The following RELCH variants were observed in gnomAD, a reference collection of about 807,000 sequenced individuals.
RELCH encodes the protein RAB11 binding and LisH domain, coiled-coil and HEAT repeat containing, also known as RAB11-binding protein RELCH.
RELCH carries 41 observed loss-of-function variants against 150.3 expected under a neutral mutation model. That is an observed-to-expected ratio of 0.27 (90% CI 0.21 to 0.35). The LOEUF is 0.35. Ranked by LOEUF, RELCH falls within the 10% of genes least tolerant of loss-of-function variation. The pLI, the probability that RELCH is intolerant of heterozygous loss-of-function variation, is 1.00. For missense variants in RELCH, 1,092 were observed against 1,467.8 expected, an observed-to-expected ratio of 0.74 and a Z score of 4.18; for synonymous variants, 478 against 531.8, an observed-to-expected ratio of 0.90 and a Z score of 1.39.
chr18:62,227,542 T>C (rs1269924598), intron 6 of RELCH, 50 bp downstream of exon 6: 1 of 1,558,178 alleles, frequency 6.4e-7, no homozygotes, highest in Non-Finnish European at 8.8e-7. Flanking sequence ...ATTTAAACTA[T>C]GTAAAAGCGT....
Position 62,187,957 on chromosome 18 carries a change from G to A in RELCH, c.452G>A (p.Gly151Glu). Residue 151 changes from glycine (G) to glutamate (E), a missense_variant, in exon 1 of 29, where the codon GGG becomes GAG. Transcript: ENST00000644646. ...ACCCCGCCGGGGATGGGGGCGCCAGGGGTCCCTGGAGCAGCCGGCGTTGGG... is the reference window on the plus strand; with the variant it reads ...ACCCCGCCGGGGATGGGGGCGCCAGAGGTCCCTGGAGCAGCCGGCGTTGGG... Reference protein sequence around the residue: ...SGTPPGMGAPGVPGAAGVGGA... With the variant: ...SGTPPGMGAPEVPGAAGVGGA... 1 of 1,600,068 alleles carries A rather than the reference G, an allele frequency of 6.2e-7. No homozygotes were observed. Among genetic ancestry groups the A allele is most frequent in the Non-Finnish European group, 8.5e-7 (1 of 1,174,370 alleles).
intron 25 of RELCH, among the ~76,000 whole-genome samples, chr18:62,283,250 A>G (rs1454152088): frequency 6.6e-6 from 1 of 152,204 alleles, no homozygotes; most frequent in Non-Finnish European, 1.5e-5. Flanking sequence ...GATCTGCTAC[A>G]TGATCTTCCA....
intron 20 of RELCH, among the ~76,000 whole-genome samples, chr18:62,270,416 A>G (rs531098394): frequency 2.0e-5 from 3 of 152,282 alleles, no homozygotes; most frequent in Admixed American, 1.3e-4. Flanking sequence ...AGTAAATAAC[A>G]TATGATGTGT....
In RELCH at chr18:62,310,086, TAA is replaced by T. The variant is rs202117635; in HGVS notation, c.*4554_*4555del. The stretch of plus-strand genomic sequence containing the variant: ...ATAAAATGTACATTGCTGAGTAATA[TAA>T]ATATAATAATTTCTCATTGACTTTA... On this transcript the variant is annotated 3_prime_UTR_variant, in exon 29 of 29. Coordinates refer to ENST00000644646, the MANE Select transcript of RELCH (RefSeq NM_001346231.2). 2.8e-5 allele frequency: 2 copies of T among 70,434 alleles called. No homozygotes were observed. The highest frequency in any genetic ancestry group is 8.6e-5 in the African/African-American group (2 of 23,330). The allele number at this position is 70,434 out of a possible 1,614,324, so 4.4% of individuals were successfully genotyped here. A position where few individuals can be genotyped will look rare whatever the true frequency, so the allele number is the denominator to read the frequency against.
chr18:62,237,373 G>A (rs78792437), intron 10 of RELCH, among the ~76,000 whole-genome samples: 10,714 of 151,710 alleles, frequency 0.071, 477 homozygotes, highest in South Asian at 0.17. Flanking sequence ...CAGTATGAAA[G>A]TAGGGTATTG....
At chr18:62,219,657 G>A (rs1242162175) in intron 2 of RELCH, among the ~76,000 whole-genome samples, 3 of 151,952 alleles carry the variant, frequency 2.0e-5, no homozygotes, top group Non-Finnish European at 4.4e-5. Flanking sequence ...AGAAGTATTT[G>A]CAGATCAGCA....
chr18:62,282,435 C>T lies in RELCH; in HGVS notation c.3244C>T (p.Arg1082Ter). 6.2e-7 allele frequency: 1 copy of T among 1,611,988 alleles called. No homozygotes were observed. Among genetic ancestry groups the T allele is most frequent in the Non-Finnish European group, 8.5e-7 (1 of 1,179,300 alleles). ...TGGCCCTAACGCAGAACCCAGGTTC[C>T]GAGATGAGTGTAAGTTGCATTTTTC... ...RVGPNAEPRFRDEFVIPHLHK... is the reference protein window; with the variant it reads ...RVGPNAEPRF The change falls in exon 25 of 29, where the codon CGA becomes TGA. Residue 1082 changes from arginine to a stop codon, truncating the protein, a stop_gained. Transcript: ENST00000644646. LOFTEE classifies it high-confidence loss of function.
At chr18:62,267,430 A>ATG (rs1422096685) in intron 19 of RELCH, among the ~76,000 whole-genome samples, 2 of 127,696 alleles carry the variant, frequency 1.6e-5, no homozygotes, top group African/African-American at 5.3e-5. Context: ...CTAGGTATAT[A>ATG]TGTATGTGTG....
intron 11 of RELCH, among the ~76,000 whole-genome samples, chr18:62,250,062 G>A (rs1009090281): frequency 1.3e-5 from 2 of 151,918 alleles, no homozygotes; most frequent in African/African-American, 4.8e-5. Context: ...AACAATCCTT[G>A]TACTGTGATT....
Position 62,274,509 on chromosome 18 carries a change from T to C in RELCH, c.2867+423T>C, listed in dbSNP as rs572522745. On this transcript the variant is annotated intron_variant, in intron 21 of 28. Transcript: ENST00000644646. Reference sequence around the variant, plus strand: ...CTGCTAAAATAATTTTATCTCAGTCTTTACTGAAAACACACTCATGCATTT... The same window carrying C: ...CTGCTAAAATAATTTTATCTCAGTCCTTACTGAAAACACACTCATGCATTT... Among the ~76,000 whole-genome samples, 180 of 152,344 alleles carry C rather than the reference T, an allele frequency of 1.2e-3. 1 individual carries two copies. Among genetic ancestry groups the C allele is most frequent in the African/African-American group, 3.3e-3 (139 of 41,594 alleles).
chr18:62,198,086 A>G (rs1447548404), intron 1 of RELCH, among the ~76,000 whole-genome samples: 1 of 152,244 alleles, frequency 6.6e-6, no homozygotes, highest in African/African-American at 2.4e-5. Flanking sequence ...ACACTAAGTC[A>G]CAGATGAATA....
intron 28 of RELCH, among the ~76,000 whole-genome samples, chr18:62,303,164 AT>A (rs369297326): frequency 9.9e-4 from 146 of 147,250 alleles, no homozygotes; most frequent in East Asian, 1.4e-3. Flanking sequence ...TAATGCAATG[AT>A]TTTTTTTTTT....
intron 27 of RELCH, among the ~76,000 whole-genome samples, chr18:62,292,976 T>G (rs1406325747): frequency 6.6e-6 from 1 of 152,156 alleles, no homozygotes; most frequent in Non-Finnish European, 1.5e-5. Context: ...CCTTTACAAG[T>G]TTCTTACATA....
At chr18:62,219,500 TA>T (rs369704293) in intron 2 of RELCH, among the ~76,000 whole-genome samples, 493 of 137,122 alleles carry the variant, frequency 3.6e-3, no homozygotes, top group African/African-American at 5.9e-3. Context: ...TTTTAAAATG[TA>T]AAAAAAAAAA....
chr18:62,288,187 C>A (rs566930630), intron 26 of RELCH, among the ~76,000 whole-genome samples: 1 of 151,990 alleles, frequency 6.6e-6, no homozygotes, highest in Non-Finnish European at 1.5e-5. Context: ...AACTTTTAGG[C>A]TCTTTTATTT....
chr18:62,256,959 A>G (rs1209628637), intron 13 of RELCH, among the ~76,000 whole-genome samples: 1 of 152,106 alleles, frequency 6.6e-6, no homozygotes, highest in Non-Finnish European at 1.5e-5. Flanking sequence ...GTTTTAAGAT[A>G]TGCTAAAATT....
chr18:62,201,119 G>T (rs915724434), intron 1 of RELCH, among the ~76,000 whole-genome samples: 1 of 151,430 alleles, frequency 6.6e-6, no homozygotes, highest in Non-Finnish European at 1.5e-5. Context: ...GTCTACAGGC[G>T]CATGCCACCA....
At chr18:62,198,857 CT>C (rs1291148503) in intron 1 of RELCH, among the ~76,000 whole-genome samples, 1 of 151,824 alleles carries the variant, frequency 6.6e-6, no homozygotes, top group Non-Finnish European at 1.5e-5. Flanking sequence ...AATTTCTTCT[CT>C]TTTTGTACGG....
Position 62,258,499 on chromosome 18 carries a change from T to A in RELCH, c.2038-13T>A. 1 of 1,596,866 alleles carries A rather than the reference T, an allele frequency of 6.3e-7. No individual in the cohort carries two copies. The highest frequency in any genetic ancestry group is 8.5e-7 in the Non-Finnish European group (1 of 1,174,482). On this transcript the variant is annotated splice_polypyrimidine_tract_variant and intron_variant, in intron 14 of 28. Transcript: ENST00000644646. Reference sequence around the variant, plus strand: ...CCTTTAAAAATCTACATTTGCCTTTTTCTCATTGACAGGGTTTTGAATTGT... The same window carrying A: ...CCTTTAAAAATCTACATTTGCCTTTATCTCATTGACAGGGTTTTGAATTGT...
Sources: gnomAD v4.1 joint callset for allele counts (sites outside exome capture counted in the v4.1 genomes callset) on GRCh38, gnomAD v4.1.1 for gene constraint, MANE v1.5 for transcripts, NCBI Gene and HGNC (gene_info 2026-07-23, HGNC 2026-07-21) for gene names.